Variants in SLIT3 observed in about 807,000 individuals in gnomAD.
The protein encoded by SLIT3 is slit guidance ligand 3.
In SLIT3, 68 loss-of-function variants were observed where a neutral mutation model predicts 184.0. The observed-to-expected ratio is 0.37, with a 90% CI of 0.30 to 0.45. The LOEUF is 0.45. SLIT3 is among the 20% of genes least tolerant of loss of function. The pLI, the probability that SLIT3 is intolerant of heterozygous loss-of-function variation, is 1.00. For missense variants in SLIT3, 1,707 were observed against 2,026.0 expected, an observed-to-expected ratio of 0.84 and a Z score of 3.02; for synonymous variants, 831 against 828.6, an observed-to-expected ratio of 1.00 and a Z score of -0.05.
chr5:169,175,240 A>G (rs1210778727), intron 4 of SLIT3, among the ~76,000 whole-genome samples: 1 of 152,172 alleles, frequency 6.6e-6, no homozygotes, highest in African/African-American at 2.4e-5. Context: ...TGTCTCCACA[A>G]CTCTGGCTGT....
intron 7 of SLIT3, among the ~76,000 whole-genome samples, chr5:168,820,415 T>G (rs1473188849): frequency 6.6e-6 from 1 of 152,214 alleles, no homozygotes; most frequent in Non-Finnish European, 1.5e-5. Context: ...TGGGCCTCAG[T>G]GTTATCATCT....
intron 4 of SLIT3, among the ~76,000 whole-genome samples, chr5:168,977,300 C>T (rs2040224609): frequency 6.6e-6 from 1 of 152,122 alleles, no homozygotes; most frequent in South Asian, 2.1e-4. Context: ...TCTGCCTGCC[C>T]CATCGCAAGA....
At chr5:168,859,147 G>T (rs1759010702) in intron 5 of SLIT3, among the ~76,000 whole-genome samples, 1 of 152,128 alleles carries the variant, frequency 6.6e-6, no homozygotes, top group Admixed American at 6.5e-5. Context: ...TTTTCCTTGG[G>T]TCAGCACTGC....
chr5:168,744,104 A>G (rs1330794683), intron 20 of SLIT3, among the ~76,000 whole-genome samples: 1 of 152,188 alleles, frequency 6.6e-6, no homozygotes, highest in Non-Finnish European at 1.5e-5. Context: ...CCTGGCTAAC[A>G]TGGTGTAACC....
chr5:169,101,362 T>TCCCA (rs928198681), intron 4 of SLIT3, among the ~76,000 whole-genome samples: 2 of 152,184 alleles, frequency 1.3e-5, no homozygotes, highest in African/African-American at 4.8e-5. Context: ...CCTCTAGACC[T>TCCCA]CCCACCATGG....
intron 20 of SLIT3, among the ~76,000 whole-genome samples, chr5:168,745,374 A>C (rs1023416515): frequency 6.6e-6 from 1 of 152,178 alleles, no homozygotes; most frequent in African/African-American, 2.4e-5. Flanking sequence ...ATATAACCTC[A>C]GTTGATAAAG....
chr5:169,152,468 T>C (rs1232869533), intron 4 of SLIT3, among the ~76,000 whole-genome samples: 1 of 152,216 alleles, frequency 6.6e-6, no homozygotes, highest in East Asian at 1.9e-4. Flanking sequence ...GGTAGTCCAC[T>C]GAAGGAACTA....
intron 4 of SLIT3, among the ~76,000 whole-genome samples, chr5:168,947,340 T>C (rs187750844): frequency 2.0e-3 from 307 of 152,236 alleles, no homozygotes; most frequent in South Asian, 0.014. Context: ...CAGACTGCAC[T>C]CTGGGATGTT....
intron 4 of SLIT3, among the ~76,000 whole-genome samples, chr5:168,996,406 T>G (rs1446556410): frequency 6.6e-6 from 1 of 152,064 alleles, no homozygotes; most frequent in East Asian, 1.9e-4. Flanking sequence ...GAGGGGAAAA[T>G]GGAGCTAAAG....
At chr5:168,933,082 A>G (rs1380097407) in intron 4 of SLIT3, among the ~76,000 whole-genome samples, 3 of 152,220 alleles carry the variant, frequency 2.0e-5, no homozygotes, top group Non-Finnish European at 4.4e-5. Flanking sequence ...GTGGGATTGA[A>G]GAGAACACAG....
intron 9 of SLIT3, among the ~76,000 whole-genome samples, chr5:168,805,517 A>G (rs1756926088): frequency 6.6e-6 from 1 of 152,224 alleles, no homozygotes; most frequent in Non-Finnish European, 1.5e-5. Flanking sequence ...AACTGTCGCT[A>G]TTTAAAGAAT....
intron 4 of SLIT3, among the ~76,000 whole-genome samples, chr5:168,934,822 A>G (rs557207328): frequency 1.3e-5 from 2 of 152,004 alleles, no homozygotes; most frequent in Non-Finnish European, 2.9e-5. Flanking sequence ...ATGTTACCTC[A>G]CATATCTTCA....
chr5:168,671,398 C>A lies in SLIT3; in HGVS notation c.3927G>T (p.Val1309=). 6.2e-7 allele frequency: 1 copy of A among 1,614,116 alleles called. No individual in the cohort carries two copies. The highest frequency in any genetic ancestry group is 8.5e-7 in the Non-Finnish European group (1 of 1,180,012). ...AGTCCTGCAGCTCGTTGTTGATGCG[C>A]ACCTCATGGATGCATCCGTGGAAGC... ...LGGFHGCIHE[V]RINNELQDFK... The change falls in exon 34 of 36, where the codon GTG becomes GTT. Residue 1309 remains valine (V), a synonymous_variant. Coordinates refer to ENST00000519560, the MANE Select transcript of SLIT3 (RefSeq NM_003062.4).
At chr5:168,966,746 T>C (rs1763210218) in intron 4 of SLIT3, among the ~76,000 whole-genome samples, 1 of 152,158 alleles carries the variant, frequency 6.6e-6, no homozygotes, top group Admixed American at 6.5e-5. Context: ...CAGAGTTAGG[T>C]CATGGTGTTC....
intron 13 of SLIT3, among the ~76,000 whole-genome samples, chr5:168,773,964 T>G (rs1755652893): frequency 6.6e-6 from 1 of 152,162 alleles, no homozygotes; most frequent in Admixed American, 6.5e-5. Context: ...GGTTTCCTTA[T>G]GTAGAAAGAA....
At chr5:168,844,427 CT>C (rs1185470895) in intron 6 of SLIT3, among the ~76,000 whole-genome samples, 156 bp downstream of exon 6, 1 of 152,172 alleles carries the variant, frequency 6.6e-6, no homozygotes, top group Non-Finnish European at 1.5e-5. Flanking sequence ...GAGGGATCCC[CT>C]GGTTCCCAAT....
chr5:169,283,197 T>C (rs1343593445), intron 1 of SLIT3, among the ~76,000 whole-genome samples: 1 of 152,226 alleles, frequency 6.6e-6, no homozygotes, highest in African/African-American at 2.4e-5. Context: ...CAGAAGTTTG[T>C]TGTTTGTGGC....
chr5:169,065,692 C>T (rs79451495), intron 4 of SLIT3, among the ~76,000 whole-genome samples: 7,253 of 152,212 alleles, frequency 0.048, 301 homozygotes, highest in East Asian at 0.21. Context: ...TGTGGGGCAA[C>T]GAGGGCAAGA....
At chr5:169,247,047 G>A (rs1765618217) in intron 2 of SLIT3, among the ~76,000 whole-genome samples, 1 of 150,474 alleles carries the variant, frequency 6.6e-6, no homozygotes, top group Non-Finnish European at 1.5e-5. Flanking sequence ...TGATCAACAA[G>A]GTGAAACCCT....
Sources: allele counts gnomAD v4.1 joint callset (sites outside exome capture counted in the v4.1 genomes callset), GRCh38; gene constraint gnomAD v4.1.1; transcripts MANE v1.5; gene names NCBI Gene and HGNC (gene_info 2026-07-23, HGNC 2026-07-21).